FNDC1: variants seen among roughly 807,000 people sequenced by gnomAD.
The protein encoded by FNDC1 is fibronectin type III domain-containing protein 1.
FNDC1 carries 96 observed loss-of-function variants against 168.0 expected under a neutral mutation model. The observed-to-expected ratio is 0.57, with a 90% CI of 0.48 to 0.68. The LOEUF (loss-of-function observed/expected upper bound fraction) is 0.68. FNDC1 is among the 30% of genes least tolerant of loss of function. The pLI is 0.00. For missense variants in FNDC1, 2,587 were observed against 2,482.1 expected (o/e 1.04, Z -0.90); for synonymous variants, 1,099 against 1,025.9 (o/e 1.07, Z -1.36).
chr6:159,227,419 T>C (rs1244947603), intron 9 of FNDC1, among the ~76,000 whole-genome samples: 3 of 152,204 alleles, frequency 2.0e-5, no homozygotes, highest in African/African-American at 7.2e-5. Flanking sequence ...TTGTGTAAGC[T>C]TAAAGAAATC....
intron 9 of FNDC1, among the ~76,000 whole-genome samples, chr6:159,226,896 C>T (rs1782966687): frequency 6.6e-6 from 1 of 152,164 alleles, no homozygotes. Context: ...TGGGTCTTTT[C>T]GTTGTGCTAG....
intron 22 of FNDC1, among the ~76,000 whole-genome samples, chr6:159,270,908 G>A (rs1777732122): frequency 6.6e-6 from 1 of 152,234 alleles, no homozygotes; most frequent in African/African-American, 2.4e-5. Context: ...TCCATGGGGA[G>A]AGAGAGATCA....
At chr6:159,265,877 G>A (rs921545048) in intron 20 of FNDC1, among the ~76,000 whole-genome samples, 2 of 152,092 alleles carry the variant, frequency 1.3e-5, no homozygotes, top group African/African-American at 2.4e-5. Flanking sequence ...GCAGTGAGCC[G>A]AGATCGTGCC....
chr6:159,204,012 C>A (rs962807496), intron 4 of FNDC1, among the ~76,000 whole-genome samples: 1 of 152,150 alleles, frequency 6.6e-6, no homozygotes, highest in Non-Finnish European at 1.5e-5. Flanking sequence ...AGTTTTGGAG[C>A]CTAAACTAGG....
Position 159,246,959 on chromosome 6 carries a change from A to T in FNDC1, c.4680A>T (p.Ile1560=). Residue 1560 remains isoleucine (I), a synonymous_variant, in exon 15 of 23, where the codon ATA becomes ATT. Transcript: ENST00000297267. ...TAVPTEEAYV[I]YDEDYEFETS... ...TACCTACGGAAGAGGCCTACGTTAT[A>T]TATGATGAAGGTACAAACTGGCTTT... The T allele has an allele frequency of 6.2e-7, 1 of 1,610,386 alleles. No individual in the cohort carries two copies. The highest frequency in any genetic ancestry group is 1.7e-4 in the Middle Eastern group (1 of 6,056).
chr6:159,254,249 A>G (rs1001102284), intron 17 of FNDC1, among the ~76,000 whole-genome samples: 1 of 152,146 alleles, frequency 6.6e-6, no homozygotes, highest in Non-Finnish European at 1.5e-5. Context: ...GGCTTGTACA[A>G]CATTCAGTGG....
intron 7 of FNDC1, among the ~76,000 whole-genome samples, chr6:159,224,912 A>G (rs1199494843): frequency 6.6e-6 from 1 of 152,132 alleles, no homozygotes; most frequent in Non-Finnish European, 1.5e-5. Flanking sequence ...TGAACTGTCC[A>G]TATTTGGTCA....
intron 1 of FNDC1, among the ~76,000 whole-genome samples, chr6:159,189,290 G>C (rs1331621557): frequency 1.3e-5 from 2 of 152,082 alleles, no homozygotes; most frequent in Non-Finnish European, 1.5e-5. Flanking sequence ...AGCAAGAGCT[G>C]GTCACCAGCA....
intron 4 of FNDC1, 80 bp downstream of exon 4, chr6:159,200,661 CAT>C (rs1375748678): frequency 2.7e-6 from 3 of 1,107,576 alleles, no homozygotes; most frequent in African/African-American, 1.6e-5. Context: ...CCGTCACACA[CAT>C]GTGCTCACAA....
At chr6:159,182,851 A>G (rs1412027076) in intron 1 of FNDC1, among the ~76,000 whole-genome samples, 1 of 152,240 alleles carries the variant, frequency 6.6e-6, no homozygotes, top group Non-Finnish European at 1.5e-5. Flanking sequence ...CAGATGGAAG[A>G]GGAGAAGCTG....
rs1350059873 is a variant in FNDC1, at chr6:159,232,210, G to A, written c.1698G>A (p.Leu566=). 6.2e-7 allele frequency: 1 copy of A among 1,613,362 alleles called. No homozygotes were observed. ...PSDTQDQKRT[L]RPPSRHGHSV... ...ACACCCAAGACCAGAAACGGACCCTGAGGCCGCCAAGTAGACACGGCCACT... is the reference window on the plus strand; with the variant it reads ...ACACCCAAGACCAGAAACGGACCCTAAGGCCGCCAAGTAGACACGGCCACT... Residue 566 remains leucine, a synonymous_variant, in exon 11 of 23, where the codon CTG becomes CTA. Transcript: ENST00000297267. This position sits in a 1 kb window ranked among gnomAD's most constrained non-coding sequence, Gnocchi z 4.9.
intron 4 of FNDC1, among the ~76,000 whole-genome samples, chr6:159,214,385 G>T (rs1391087884): frequency 6.6e-6 from 1 of 152,340 alleles, no homozygotes; most frequent in East Asian, 1.9e-4. Flanking sequence ...CAGACACAGA[G>T]GATAGCAGCG....
chr6:159,258,731 CT>C (rs1562311672), intron 18 of FNDC1, among the ~76,000 whole-genome samples: 1 of 152,188 alleles, frequency 6.6e-6, no homozygotes. Flanking sequence ...CCTCAAAACC[CT>C]TCTGAGCAGC....
intron 1 of FNDC1, among the ~76,000 whole-genome samples, chr6:159,170,736 C>T (rs1781636125): frequency 6.6e-6 from 1 of 152,144 alleles, no homozygotes; most frequent in Non-Finnish European, 1.5e-5. Context: ...TTGGTAGATA[C>T]ATCATCCCAA....
Position 159,233,624 on chromosome 6 carries a change from G to T in FNDC1, c.3112G>T (p.Ala1038Ser). The change falls in exon 11 of 23, where the codon GCC (alanine) becomes TCC (serine). Residue 1038 changes from alanine to serine, a missense_variant. Physicochemically the swap from Ala to Ser is moderately conservative, Grantham distance 99. Transcript: ENST00000297267. This position sits in a 1 kb window ranked among gnomAD's most constrained non-coding sequence, Gnocchi z 4.6. ...PSQPRLSLTQ[A>S]GRPRPTSQGR... ...CCAGCCCAGGCTCTCACTGACCCAGGCCGGGCGGCCCCGCCCCACGTCGCA... is the reference window on the plus strand; with the variant it reads ...CCAGCCCAGGCTCTCACTGACCCAGTCCGGGCGGCCCCGCCCCACGTCGCA... 1 of 1,563,796 alleles carries T rather than the reference G, an allele frequency of 6.4e-7. No individual in the cohort carries two copies. The highest frequency in any genetic ancestry group is 8.6e-7 in the Non-Finnish European group (1 of 1,157,094).
chr6:159,223,736 C>T (rs1397685964), intron 7 of FNDC1, 91 bp downstream of exon 7: 1 of 726,480 alleles, frequency 1.4e-6, no homozygotes, highest in Non-Finnish European at 2.3e-6. Context: ...TATTTTCTGA[C>T]TTACATGAAT....
rs1444738326 is a variant in FNDC1 at position 159,197,422 on chromosome 6, T to G, written c.110-9T>G. On this transcript the variant is annotated splice_polypyrimidine_tract_variant and intron_variant, in intron 1 of 22. Coordinates refer to ENST00000297267, the MANE Select transcript of FNDC1 (RefSeq NM_032532.3). ...TTGCCATGAGTTGATAGTTGCGCTG[T>G]TTACATAGTTGACCACCCACTGAAG... The G allele has an allele frequency of 1.2e-6, 2 of 1,604,074 alleles. No homozygotes were observed. Among genetic ancestry groups the G allele is most frequent in the Admixed American group, 3.5e-5 (2 of 57,860 alleles).
chr6:159,260,854 C>T (rs562996642), intron 18 of FNDC1, among the ~76,000 whole-genome samples: 8 of 152,304 alleles, frequency 5.3e-5, no homozygotes, highest in South Asian at 2.1e-4. Flanking sequence ...GCTAGAGGAA[C>T]GTCTCACCAG....
At chr6:159,261,817 C>T (rs1347670644) in intron 19 of FNDC1, among the ~76,000 whole-genome samples, 1 of 152,106 alleles carries the variant, frequency 6.6e-6, no homozygotes, top group Admixed American at 6.6e-5. Context: ...AGAAAATGTT[C>T]CTGGTCAGGG....
Sources: gnomAD v4.1 joint callset for allele counts (sites outside exome capture counted in the v4.1 genomes callset) on GRCh38, gnomAD v4.1.1 for gene constraint, Gnocchi (gnomAD v3.1) non-coding constraint, MANE v1.5 for transcripts, NCBI Gene and HGNC (gene_info 2026-07-23, HGNC 2026-07-21) for gene names.